The following ASB4 variants were observed in gnomAD, a reference collection of about 807,000 sequenced individuals.
ASB4 encodes the protein ankyrin repeat and SOCS box containing 4.
ASB4 carries 35 observed loss-of-function variants against 38.6 expected under a neutral mutation model. That is an observed-to-expected ratio of 0.91 (90% CI 0.69 to 1.20). The LOEUF (loss-of-function observed/expected upper bound fraction) is 1.20, where lower values mean the gene tolerates loss of function less well. Among genes scored for constraint, ASB4 ranks in the 50% most tolerant of loss-of-function variants. The pLI is 0.00. For missense variants in ASB4, 557 were observed against 527.2 expected (o/e 1.06, Z -0.55); for synonymous variants, 195 against 201.3 (o/e 0.97, Z 0.26).
chr7:95,491,275 C>A (rs899012845), intron 1 of ASB4, among the ~76,000 whole-genome samples: 1 of 152,154 alleles, frequency 6.6e-6, no homozygotes, highest in Non-Finnish European at 1.5e-5. Flanking sequence ...AGTGGAGCTT[C>A]TTATTCAAAC....
intron 2 of ASB4, among the ~76,000 whole-genome samples, chr7:95,498,111 C>T (rs1182757117): frequency 1.3e-5 from 2 of 152,144 alleles, no homozygotes; most frequent in African/African-American, 2.4e-5. Context: ...GTAGTTCTGT[C>T]ATTTCGTATT....
intron 2 of ASB4, among the ~76,000 whole-genome samples, chr7:95,497,174 T>C (rs912912073): frequency 6.6e-6 from 1 of 152,074 alleles, no homozygotes; most frequent in African/African-American, 2.4e-5. Flanking sequence ...AGTAAGACAG[T>C]GACATGATTT....
At chr7:95,494,736 A>G (rs1790220570) in intron 1 of ASB4, among the ~76,000 whole-genome samples, 1 of 152,216 alleles carries the variant, frequency 6.6e-6, no homozygotes, top group Non-Finnish European at 1.5e-5. Flanking sequence ...CATCATAGTT[A>G]TAGCTTGTCA....
At chr7:95,496,905 T>TA (rs1351048467) in intron 2 of ASB4, among the ~76,000 whole-genome samples, 1 of 151,806 alleles carries the variant, frequency 6.6e-6, no homozygotes, top group Non-Finnish European at 1.5e-5. Flanking sequence ...AGACAGCCAT[T>TA]AAAAAAGAAC....
At position 95,538,431 on chromosome 7, in the gene ASB4, T is replaced by G. The variant is rs1790925821; in HGVS notation, c.*672T>G. The G allele has an allele frequency of 6.6e-6, 1 of 152,262 alleles. No homozygotes were observed. The allele number at this position is 152,262 out of a possible 1,614,324, so 9.4% of individuals were successfully genotyped here. A position where few individuals can be genotyped will look rare whatever the true frequency, so the allele number is the denominator to read the frequency against. The stretch of plus-strand genomic sequence containing the variant: ...GATGCAAAGATGAGTCCCATGTGAC[T>G]CCTGCCTTCCAGGATCTCACCATTT... On this transcript the variant is annotated 3_prime_UTR_variant, in exon 5 of 5. Transcript: ENST00000325885.
At chr7:95,525,161 G>A (rs1790719910) in intron 2 of ASB4, among the ~76,000 whole-genome samples, 1 of 152,154 alleles carries the variant, frequency 6.6e-6, no homozygotes, top group Non-Finnish European at 1.5e-5. Flanking sequence ...CAGAAGGTAG[G>A]AGAGAGGTCT....
chr7:95,485,302 A>G (rs2116572024), upstream of ASB4, among the ~76,000 whole-genome samples: 1 of 152,314 alleles, frequency 6.6e-6, no homozygotes, highest in Non-Finnish European at 1.5e-5. Context: ...AATAAAGTTC[A>G]TTCACATGTT....
At position 95,539,284 on chromosome 7, in the gene ASB4, C is replaced by A. The variant is rs1260885237; in HGVS notation, c.*1525C>A. Reference sequence around the variant, plus strand: ...CCAATAGGCTATCATTTAATGTTAACTGGCAATCACCTAACTGGTTAATCT... The same window carrying A: ...CCAATAGGCTATCATTTAATGTTAAATGGCAATCACCTAACTGGTTAATCT... On this transcript the variant is annotated 3_prime_UTR_variant, in exon 5 of 5. Coordinates refer to ENST00000325885, the MANE Select transcript of ASB4 (RefSeq NM_016116.3). 6.6e-6 allele frequency: 1 copy of A among 152,196 alleles called. No homozygotes were observed. The highest frequency in any genetic ancestry group is 1.9e-4 in the East Asian group (1 of 5,194). The allele number at this position is 152,196 out of a possible 1,614,324, so 9.4% of individuals were successfully genotyped here.
chr7:95,549,349 T>G, the ASB4 span, among the ~76,000 whole-genome samples: 3 of 140,664 alleles, frequency 2.1e-5, no homozygotes, highest in South Asian at 7.1e-4. Flanking sequence ...CAGGCTGCAG[T>G]GCAGTGGTGC....
At chr7:95,487,768 A>G (rs1362535627) in intron 1 of ASB4, among the ~76,000 whole-genome samples, 1 of 152,206 alleles carries the variant, frequency 6.6e-6, no homozygotes, top group African/African-American at 2.4e-5. Flanking sequence ...TAGTGTTAGG[A>G]CTGTGGGATG....
Position 95,528,007 on chromosome 7 carries a change from A to T in ASB4, c.682A>T (p.Ser228Cys). 6.2e-7 allele frequency: 1 copy of T among 1,614,152 alleles called. No individual in the cohort carries two copies. Among genetic ancestry groups the T allele is most frequent in the Non-Finnish European group, 8.5e-7 (1 of 1,180,034 alleles). Residue 228 changes from serine (S) to cysteine (C), a missense_variant, in exon 3 of 5, where the codon AGC (serine) becomes TGC (cysteine). Transcript: ENST00000325885. ...CCTCCGCTTTAAGGAGCAGGAGTACAGCACGGAGCACCACCTGGTCTGCCG... is the reference window on the plus strand; with the variant it reads ...CCTCCGCTTTAAGGAGCAGGAGTACTGCACGGAGCACCACCTGGTCTGCCG... ...WALRFKEQEY[S>C]TEHHLVCRML...
intron 2 of ASB4, among the ~76,000 whole-genome samples, chr7:95,512,692 A>G (rs1790499245): frequency 6.6e-6 from 1 of 152,218 alleles, no homozygotes; most frequent in South Asian, 2.1e-4. Flanking sequence ...TATGCCACAG[A>G]GCAGACTTTG....
chr7:95,498,791 G>A (rs1790288773), intron 2 of ASB4, among the ~76,000 whole-genome samples: 1 of 152,014 alleles, frequency 6.6e-6, no homozygotes. Context: ...TTTACTTTTA[G>A]GTGTAGGATT....
the ASB4 span, among the ~76,000 whole-genome samples, chr7:95,470,659 T>A: frequency 0.08 from 12,234 of 152,186 alleles, 907 homozygotes; most frequent in East Asian, 0.36. Flanking sequence ...TGGTGTCAGA[T>A]CCTTTCTCAT....
chr7:95,521,766 G>A lies in ASB4; in HGVS notation c.488-6047G>A, dbSNP rs1240349702. The stretch of plus-strand genomic sequence containing the variant: ...GTTGCAAAAGTGAGATACAATGTAC[G>A]TAGTTTTTTAAAACACAAAATAATA... On this transcript the variant is annotated intron_variant, in intron 2 of 4. Transcript: ENST00000325885. Among the ~76,000 whole-genome samples the A allele has an allele frequency of 3.6e-4, 55 of 150,942 alleles. 1 individual carries two copies. Among genetic ancestry groups the A allele is most frequent in the South Asian group, 6.3e-4 (3 of 4,750 alleles).
chr7:95,486,207 A>G, intron 1 of ASB4, 49 bp downstream of exon 1: 4 of 1,477,540 alleles, frequency 2.7e-6, no homozygotes, highest in Non-Finnish European at 3.7e-6. Flanking sequence ...ATGATTTAAA[A>G]AAATGCACAG....
rs546025741 is a variant in ASB4 at position 95,501,845 on chromosome 7, A to G, written c.487+5788A>G. ...TGGGCAATGCTTGTAGGCTGACACTAATGAATTAGGCTTATAAGAATCAAG... is the reference window on the plus strand; with the variant it reads ...TGGGCAATGCTTGTAGGCTGACACTGATGAATTAGGCTTATAAGAATCAAG... On this transcript the variant is annotated intron_variant, in intron 2 of 4. Coordinates refer to ENST00000325885, the MANE Select transcript of ASB4 (RefSeq NM_016116.3). 3.9e-5 allele frequency among the ~76,000 whole-genome samples: 6 copies of G among 152,328 alleles called. No individual in the cohort carries two copies. In the South Asian group the frequency reaches 8.3e-4, roughly 21 times the overall value.
chr7:95,517,154 G>GT (rs1344767966), intron 2 of ASB4, among the ~76,000 whole-genome samples: 1 of 152,064 alleles, frequency 6.6e-6, no homozygotes, highest in Non-Finnish European at 1.5e-5. Context: ...CTATTGAGTT[G>GT]TAATAGTTCT....
chr7:95,491,183 G>A lies in ASB4; in HGVS notation c.188-4575G>A, dbSNP rs1585795568. Among the ~76,000 whole-genome samples, 6 of 152,330 alleles carry A rather than the reference G, an allele frequency of 3.9e-5. 1 individual carries two copies. Among genetic ancestry groups the A allele is most frequent in the Admixed American group, 3.9e-4 (6 of 15,310 alleles). On this transcript the variant is annotated intron_variant, in intron 1 of 4. Transcript: ENST00000325885. The stretch of plus-strand genomic sequence containing the variant: ...AAACAGATTATGTATCATGGTCAAA[G>A]CCACATGGGCATGGCCTGTATTTGG...
Sources: gnomAD v4.1 joint callset for allele counts (sites outside exome capture counted in the v4.1 genomes callset) on GRCh38, gnomAD v4.1.1 for gene constraint, MANE v1.5 for transcripts, NCBI Gene and HGNC (gene_info 2026-07-23, HGNC 2026-07-21) for gene names.